The following SRGAP2B variants were observed in gnomAD, a reference collection of about 807,000 sequenced individuals.
The protein encoded by SRGAP2B is SLIT-ROBO Rho GTPase-activating protein 2B.
In SRGAP2B, 9 loss-of-function variants were observed where a neutral mutation model predicts 22.2. The observed-to-expected ratio is 0.41, with a 90% confidence interval of 0.24 to 0.71. The LOEUF is 0.71. Ranked by LOEUF, SRGAP2B falls within the 30% of genes least tolerant of loss-of-function variation. The pLI, the probability that SRGAP2B is intolerant of heterozygous loss-of-function variation, is 0.35. For synonymous variants in SRGAP2B, 36 were observed against 87.4 expected (o/e 0.41, Z 3.28); for missense variants, 114 against 235.8 (o/e 0.48, Z 3.38).
At chr1:144,954,623 A>G (rs1667126560) in intron 4 of SRGAP2B, among the ~76,000 whole-genome samples, 1 of 150,780 alleles carries the variant, frequency 6.6e-6, no homozygotes, top group Non-Finnish European at 1.5e-5. Flanking sequence ...AACCTCATGA[A>G]TAAATGATTC....
At chr1:144,967,652 T>A in intron 3 of SRGAP2B, among the ~76,000 whole-genome samples, 1 of 87,370 alleles carries the variant, frequency 1.1e-5, no homozygotes, top group African/African-American at 5.0e-5. Flanking sequence ...AGAGCAGAAC[T>A]GAAGGAAATA....
chr1:144,943,019 G>C (rs1318935691), intron 4 of SRGAP2B, among the ~76,000 whole-genome samples: 4 of 132,320 alleles, frequency 3.0e-5, no homozygotes, highest in Non-Finnish European at 3.2e-5. Flanking sequence ...GCTACATGAA[G>C]TACTAACATC....
intron 4 of SRGAP2B, among the ~76,000 whole-genome samples, chr1:144,924,652 A>G (rs1186171286): frequency 6.6e-6 from 1 of 151,156 alleles, no homozygotes; most frequent in Non-Finnish European, 1.5e-5. Context: ...GAATGGCGTG[A>G]ACCCGGGAGG....
chr1:144,996,149 A>T (rs1287793961), intron 2 of SRGAP2B, among the ~76,000 whole-genome samples: 1 of 151,200 alleles, frequency 6.6e-6, no homozygotes, highest in East Asian at 1.9e-4. Context: ...GCAGCACTGC[A>T]TTTGTTACTG....
intron 3 of SRGAP2B, among the ~76,000 whole-genome samples, chr1:144,965,984 G>A (rs1199381008): frequency 2.7e-5 from 4 of 150,924 alleles, no homozygotes; most frequent in South Asian, 2.1e-4. Flanking sequence ...ATAAATATGG[G>A]ACTATGTGAA....
chr1:144,944,683 T>TTTTATTTATTTA (rs57558732), intron 4 of SRGAP2B, among the ~76,000 whole-genome samples: 3 of 132,308 alleles, frequency 2.3e-5, no homozygotes, highest in African/African-American at 5.9e-5. Context: ...GAATTGGTTG[T>TTTTATTTATTTA]TTTATTTATT....
In SRGAP2B at chr1:144,909,137, G is replaced by T. The variant is rs1270576432; in HGVS notation, c.487-3063C>A. Reference sequence around the variant, plus strand: ...AACAAAAAGAATGGAAGCTGAAGCCGAAAAGCGGGTAGGCAAGCAGTAACT... The same window carrying T: ...AACAAAAAGAATGGAAGCTGAAGCCTAAAAGCGGGTAGGCAAGCAGTAACT... On this transcript the variant is annotated intron_variant, in intron 5 of 9. Transcript: ENST00000612199. Among the ~76,000 whole-genome samples, 5 of 150,260 alleles carry T rather than the reference G, an allele frequency of 3.3e-5. 1 individual carries two copies. The highest frequency in any genetic ancestry group is 3.3e-4 in the Admixed American group (5 of 15,102).
intron 2 of SRGAP2B, among the ~76,000 whole-genome samples, chr1:144,999,077 G>A (rs587684853): frequency 6.6e-6 from 1 of 150,692 alleles, no homozygotes; most frequent in African/African-American, 2.5e-5. Context: ...GATCATGCAT[G>A]TGCACATCAT....
intron 4 of SRGAP2B, among the ~76,000 whole-genome samples, chr1:144,924,879 CT>C (rs1250377661): frequency 2.0e-5 from 3 of 149,352 alleles, no homozygotes; most frequent in Non-Finnish European, 1.5e-5. Flanking sequence ...TGTGTTAAAT[CT>C]CTCATTAGGG....
chr1:144,925,629 G>A (rs1664614094), intron 4 of SRGAP2B, among the ~76,000 whole-genome samples: 1 of 128,832 alleles, frequency 7.8e-6, no homozygotes, highest in East Asian at 2.2e-4. Flanking sequence ...GGGTGACAGA[G>A]CAAGACTCAG....
rs1490897415 is a variant in SRGAP2B at position 144,954,777 on chromosome 1, T to C, written c.423+662A>G. ...TTTTCCTTTGTCAAATTGTTCAACCTATACCCAAGGAAGTACGATAACAAT... is the reference window on the plus strand; with the variant it reads ...TTTTCCTTTGTCAAATTGTTCAACCCATACCCAAGGAAGTACGATAACAAT... On this transcript the variant is annotated intron_variant, in intron 4 of 9. Coordinates refer to ENST00000612199, the Ensembl canonical transcript of SRGAP2B. 2.0e-5 allele frequency among the ~76,000 whole-genome samples: 3 copies of C among 150,376 alleles called. 1 individual carries two copies. Among genetic ancestry groups the C allele is most frequent in the African/African-American group, 7.5e-5 (3 of 40,030 alleles).
At chr1:145,012,788 C>T (rs4844808) in intron 2 of SRGAP2B, among the ~76,000 whole-genome samples, 1 of 139,608 alleles carries the variant, frequency 7.2e-6, no homozygotes, top group Non-Finnish European at 1.5e-5. Context: ...ATCCTGAAAC[C>T]CAAAAAGTGT....
exon 4 of SRGAP2B, chr1:144,955,475 T>C (rs1553610103): frequency 2.0e-6 from 3 of 1,491,890 alleles, no homozygotes; most frequent in African/African-American, 1.5e-5. Context: ...CGCTGACTTG[T>C]ACAAATCGAG....
chr1:145,044,433 G>T (rs1232192752), intron 2 of SRGAP2B, among the ~76,000 whole-genome samples: 1 of 133,060 alleles, frequency 7.5e-6, no homozygotes, highest in Non-Finnish European at 1.6e-5. Context: ...GAGGTTACTA[G>T]TCACTAACTC....
At position 144,970,118 on chromosome 1, in the gene SRGAP2B, A is replaced by G. The variant is rs1168534719; in HGVS notation, c.261-14517T>C. Among the ~76,000 whole-genome samples the G allele has an allele frequency of 5.2e-4, 76 of 147,092 alleles. 3 individuals carry two copies. Among genetic ancestry groups the G allele is most frequent in the African/African-American group, 2.0e-3 (76 of 38,548 alleles). ...TCCTCAGGGATCTAGAACTAGAAAT[A>G]CCATTTGACCCAGCCATCCCATTAC... On this transcript the variant is annotated intron_variant, in intron 3 of 9. Coordinates refer to ENST00000612199, the Ensembl canonical transcript of SRGAP2B.
chr1:144,979,809 G>C lies in SRGAP2B; in HGVS notation c.260+15199C>G, dbSNP rs587706477. 4.6e-5 allele frequency among the ~76,000 whole-genome samples: 7 copies of C among 151,684 alleles called. No homozygotes were observed. The South Asian group carries it at 1.0e-3, about 22-fold the overall frequency. ...CTGCCATGATTGTAAGCTTCCTGAGGCCTCACCAGAAGCAGACACCAGCAC... is the reference window on the plus strand; with the variant it reads ...CTGCCATGATTGTAAGCTTCCTGAGCCCTCACCAGAAGCAGACACCAGCAC... On this transcript the variant is annotated intron_variant, in intron 3 of 9. Transcript: ENST00000612199.
chr1:145,031,702 C>T (rs1272795656), intron 2 of SRGAP2B, among the ~76,000 whole-genome samples: 7 of 144,728 alleles, frequency 4.8e-5, no homozygotes, highest in Non-Finnish European at 8.9e-5. Context: ...AAAAAATTAG[C>T]CCGGAGTGGT....
chr1:144,966,116 G>A (rs1303976780), intron 3 of SRGAP2B, among the ~76,000 whole-genome samples: 4 of 147,844 alleles, frequency 2.7e-5, no homozygotes, highest in African/African-American at 7.7e-5. Flanking sequence ...GCAGGCCAAC[G>A]TTCAGATTCA....
At chr1:144,923,109 G>C (rs587760826) in intron 4 of SRGAP2B, among the ~76,000 whole-genome samples, 1 of 150,306 alleles carries the variant, frequency 6.7e-6, no homozygotes, top group Non-Finnish European at 1.5e-5. Flanking sequence ...AGAGGATAAC[G>C]GCCCTCTGCT....
Sources: gnomAD v4.1 joint callset for allele counts (sites outside exome capture counted in the v4.1 genomes callset) on GRCh38, gnomAD v4.1.1 for gene constraint, MANE v1.5 for transcripts, NCBI Gene and HGNC (gene_info 2026-07-23, HGNC 2026-07-21) for gene names.